Variants in TBC1D1 observed in about 807,000 individuals in gnomAD.
TBC1D1 encodes TBC1 domain family member 1, also known as TBC1 (tre-2/USP6, BUB2, cdc16) domain family, member 1.
In TBC1D1, 89 loss-of-function variants were observed where a neutral mutation model predicts 125.6. The observed-to-expected ratio is 0.71, with a 90% confidence interval of 0.60 to 0.85. The LOEUF (loss-of-function observed/expected upper bound fraction) is 0.85, where lower values mean the gene tolerates loss of function less well. Ranked by LOEUF, TBC1D1 falls within the 40% of genes least tolerant of loss-of-function variation. The pLI, the probability that TBC1D1 is intolerant of heterozygous loss-of-function variation, is 0.00. For synonymous variants in TBC1D1, 565 were observed against 564.1 expected (o/e 1.00, Z -0.02); for missense variants, 1,377 against 1,469.2 (o/e 0.94, Z 1.03).
At chr4:38,132,119 G>A (rs984633178) in intron 18 of TBC1D1, among the ~76,000 whole-genome samples, 6 of 152,144 alleles carry the variant, frequency 3.9e-5, no homozygotes, top group African/African-American at 1.4e-4. Context: ...CAATGCAATA[G>A]AGAGGCAGTT....
intron 2 of TBC1D1, among the ~76,000 whole-genome samples, chr4:38,010,818 A>G (rs190009149): frequency 1.3e-3 from 196 of 152,210 alleles, no homozygotes; most frequent in African/African-American, 4.5e-3. Context: ...GCCCCATCTC[A>G]ATTACCGTAA....
At position 38,138,737 on chromosome 4, in the gene TBC1D1, A is replaced by G. The variant is rs140112639; in HGVS notation, c.*1402A>G. On this transcript the variant is annotated 3_prime_UTR_variant, in exon 20 of 20. Coordinates refer to ENST00000261439, the MANE Select transcript of TBC1D1 (RefSeq NM_015173.4). The stretch of plus-strand genomic sequence containing the variant: ...ATCATTTCTGATCTTTATCACTGTA[A>G]CCACGTCTTCTATTCCATAGGAGTT... 2.0e-5 allele frequency: 3 copies of G among 152,676 alleles called. No individual in the cohort carries two copies. The highest frequency in any genetic ancestry group is 7.2e-5 in the African/African-American group (3 of 41,528). 9.5% of individuals were successfully genotyped at this position (152,676 alleles called of 1,614,324 possible).
chr4:38,041,172 G>A (rs960330864), intron 8 of TBC1D1, among the ~76,000 whole-genome samples: 5 of 152,152 alleles, frequency 3.3e-5, no homozygotes, highest in Non-Finnish European at 7.3e-5. Flanking sequence ...ATTCATTAGT[G>A]AATTAGGATT....
At chr4:37,915,943 T>C (rs544531749) in intron 2 of TBC1D1, among the ~76,000 whole-genome samples, 9 of 152,306 alleles carry the variant, frequency 5.9e-5, no homozygotes, top group African/African-American at 2.2e-4. Context: ...TTTCTTGGCA[T>C]TTATTGGTGA....
At chr4:37,904,643 A>T (rs1438585260) in intron 2 of TBC1D1, among the ~76,000 whole-genome samples, 1 of 152,232 alleles carries the variant, frequency 6.6e-6, no homozygotes, top group African/African-American at 2.4e-5. Context: ...AGAGAATTGG[A>T]CTTACTCTAT....
intron 12 of TBC1D1, among the ~76,000 whole-genome samples, chr4:38,063,324 AGAGT>A (rs1274449310): frequency 1.3e-5 from 2 of 152,022 alleles, no homozygotes; most frequent in Non-Finnish European, 2.9e-5. Flanking sequence ...CAGGACCTTG[AGAGT>A]GAGTGTCTCC....
chr4:38,103,609 G>T (rs1281646595), intron 15 of TBC1D1, among the ~76,000 whole-genome samples: 1 of 152,146 alleles, frequency 6.6e-6, no homozygotes, highest in Non-Finnish European at 1.5e-5. Context: ...TGCCTTGAAT[G>T]ATTTTATTTT....
chr4:37,905,810 G>A (rs1717183447), intron 2 of TBC1D1, among the ~76,000 whole-genome samples: 1 of 152,158 alleles, frequency 6.6e-6, no homozygotes, highest in South Asian at 2.1e-4. Context: ...TGATCTTTAG[G>A]ATTGCGCTGG....
chr4:37,995,895 A>G lies in TBC1D1; in HGVS notation c.418-18614A>G. 5.2e-6 allele frequency: 3 copies of G among 581,178 alleles called. No individual in the cohort carries two copies. The highest frequency in any genetic ancestry group is 1.0e-5 in the Non-Finnish European group (3 of 295,490). 36.0% of individuals were successfully genotyped at this position (581,178 alleles called of 1,614,324 possible). A position where few individuals can be genotyped will look rare whatever the true frequency, so the allele number is the denominator to read the frequency against. ...GAGAATCCAGACTTCTGGCTTAACCATGGCAAGCAGCGACAGGACCTTCTC... is the reference window on the plus strand; with the variant it reads ...GAGAATCCAGACTTCTGGCTTAACCGTGGCAAGCAGCGACAGGACCTTCTC... On this transcript the variant is annotated intron_variant, in intron 2 of 19. Transcript: ENST00000261439. This position sits in a 1 kb window ranked among gnomAD's most constrained non-coding sequence, Gnocchi z 4.3.
intron 15 of TBC1D1, chr4:38,110,789 A>T: frequency 1.0e-6 from 1 of 985,494 alleles, no homozygotes; most frequent in Non-Finnish European, 1.2e-6. Flanking sequence ...ATAGATTTGT[A>T]GGAAGGATTG....
intron 12 of TBC1D1, among the ~76,000 whole-genome samples, chr4:38,087,398 A>G (rs1184712347): frequency 1.3e-5 from 2 of 152,216 alleles, no homozygotes; most frequent in African/African-American, 4.8e-5. Flanking sequence ...GGCCTGAGTT[A>G]CACCTGCTCA....
intron 2 of TBC1D1, among the ~76,000 whole-genome samples, chr4:37,915,890 G>A (rs77704222): frequency 0.018 from 2,672 of 152,184 alleles, 82 homozygotes; most frequent in African/African-American, 0.061. Flanking sequence ...CAGCTCTTTG[G>A]AATCTGCACC....
rs542170062 is a variant in TBC1D1, at chr4:38,092,225, G to C, written c.2236+2108G>C. Among the ~76,000 whole-genome samples, 19 of 152,258 alleles carry C rather than the reference G, an allele frequency of 1.2e-4. No individual in the cohort carries two copies. In the South Asian group the frequency reaches 3.5e-3, roughly 28 times the overall value. On this transcript the variant is annotated intron_variant, in intron 13 of 19. Coordinates refer to ENST00000261439, the MANE Select transcript of TBC1D1 (RefSeq NM_015173.4). ...AGTATTCACTTAATGTTGCCAATAGGTTCATGGAAACTGCGAATTTAAGCA... is the reference window on the plus strand; with the variant it reads ...AGTATTCACTTAATGTTGCCAATAGCTTCATGGAAACTGCGAATTTAAGCA...
At chr4:38,000,936 C>T (rs114877176) in intron 2 of TBC1D1, among the ~76,000 whole-genome samples, 3 of 152,246 alleles carry the variant, frequency 2.0e-5, no homozygotes, top group African/African-American at 4.8e-5. Context: ...GAATACCACT[C>T]AAGGCCGGGT....
intron 10 of TBC1D1, among the ~76,000 whole-genome samples, chr4:38,046,621 C>T (rs1229416252): frequency 6.6e-6 from 1 of 152,116 alleles, no homozygotes; most frequent in African/African-American, 2.4e-5. Context: ...ATTTTTCAAC[C>T]TTCACACCCC....
At chr4:37,901,471 G>A (rs570676482) in intron 1 of TBC1D1, among the ~76,000 whole-genome samples, 1 of 152,230 alleles carries the variant, frequency 6.6e-6, no homozygotes, top group Admixed American at 6.5e-5. Context: ...ATTGATATCT[G>A]TTGATGAGAA....
chr4:38,027,457 T>C (rs1365907521), intron 6 of TBC1D1, among the ~76,000 whole-genome samples: 1 of 152,096 alleles, frequency 6.6e-6, no homozygotes, highest in African/African-American at 2.4e-5. Flanking sequence ...ACCTTGTCTT[T>C]TAGTAGACTA....
chr4:38,043,874 C>T (rs193022428), intron 8 of TBC1D1, among the ~76,000 whole-genome samples: 1 of 152,268 alleles, frequency 6.6e-6, no homozygotes, highest in Non-Finnish European at 1.5e-5. Context: ...TTCTGAAATG[C>T]CCCCAAAGGT....
chr4:38,129,084 G>A (rs111259921), intron 18 of TBC1D1, among the ~76,000 whole-genome samples: 1 of 152,188 alleles, frequency 6.6e-6, no homozygotes, highest in Admixed American at 6.5e-5. Context: ...GGCCACACCC[G>A]AGACCTGCTG....
Sources: allele counts gnomAD v4.1 joint callset (sites outside exome capture counted in the v4.1 genomes callset), GRCh38; gene constraint gnomAD v4.1.1; non-coding constraint Gnocchi (gnomAD v3.1); transcripts MANE v1.5; gene names NCBI Gene and HGNC (gene_info 2026-07-23, HGNC 2026-07-21).